The following SORCS2 variants were observed in gnomAD, a reference collection of about 807,000 sequenced individuals.
The protein encoded by SORCS2 is sortilin related VPS10 domain containing receptor 2, also known as VPS10 domain-containing receptor SorCS2.
In SORCS2, 100 loss-of-function variants were observed where a neutral mutation model predicts 141.6. That is an observed-to-expected ratio of 0.71 (90% CI 0.60 to 0.83). The LOEUF is 0.83. Ranked by LOEUF, SORCS2 falls within the 40% of genes least tolerant of loss-of-function variation. SORCS2 has a pLI of 0.00. For missense variants in SORCS2, 1,646 were observed against 1,560.2 expected (o/e 1.05, Z -0.93); for synonymous variants, 789 against 676.9 (o/e 1.17, Z -2.57).
At chr4:7,733,586 G>A (rs1203091851) in intron 24 of SORCS2, among the ~76,000 whole-genome samples, 165 bp downstream of exon 24, 5 of 152,090 alleles carry the variant, frequency 3.3e-5, no homozygotes, top group Non-Finnish European at 5.9e-5. Context: ...GCAGGACCGC[G>A]CTCTCCCTCT....
chr4:7,417,247 A>G (rs1357305551), intron 2 of SORCS2, among the ~76,000 whole-genome samples: 1 of 152,132 alleles, frequency 6.6e-6, no homozygotes, highest in Non-Finnish European at 1.5e-5. Flanking sequence ...TCCAGGGATG[A>G]TGCTCTTTTT....
rs1020665118 is a variant in SORCS2, at chr4:7,664,346, C to G, written c.953-7C>G. ...TGACCGCCTGGGTCGGCGCCTCTCT[C>G]CTGTAGATTTTCGGTACGTCACCTG... On this transcript the variant is annotated splice_region_variant and splice_polypyrimidine_tract_variant and intron_variant, in intron 6 of 26. Coordinates refer to ENST00000507866, the MANE Select transcript of SORCS2 (RefSeq NM_020777.3). This position sits in a 1 kb window ranked among gnomAD's most constrained non-coding sequence, Gnocchi z 4.7. 6.2e-7 allele frequency: 1 copy of G among 1,612,364 alleles called. No homozygotes were observed. Among genetic ancestry groups the G allele is most frequent in the Non-Finnish European group, 8.5e-7 (1 of 1,178,866 alleles).
intron 2 of SORCS2, among the ~76,000 whole-genome samples, chr4:7,438,708 T>C (rs1385152002): frequency 6.6e-6 from 1 of 152,088 alleles, no homozygotes; most frequent in Admixed American, 6.6e-5. Flanking sequence ...AGAATTATTT[T>C]TTACTTATGT....
At chr4:7,585,887 A>C (rs1716504814) in intron 3 of SORCS2, among the ~76,000 whole-genome samples, 1 of 152,232 alleles carries the variant, frequency 6.6e-6, no homozygotes, top group African/African-American at 2.4e-5. Context: ...CCTTGCAGAC[A>C]TCTGAAGGGG....
intron 1 of SORCS2, among the ~76,000 whole-genome samples, chr4:7,367,663 G>A (rs976390559): frequency 3.9e-5 from 6 of 152,236 alleles, no homozygotes; most frequent in East Asian, 3.8e-4. Flanking sequence ...CAGGCCTGAC[G>A]CTTGCATACT....
intron 2 of SORCS2, among the ~76,000 whole-genome samples, chr4:7,455,728 A>ATCTTGGGGTCAGGCTCCG (rs942599429): frequency 2.7e-5 from 3 of 111,550 alleles, no homozygotes; most frequent in Non-Finnish European, 3.7e-5. Context: ...GTCAGGCACC[A>ATCTTGGGGTCAGGCTCCG]TCTTGGGGTC....
At chr4:7,423,649 T>C (rs565631229) in intron 2 of SORCS2, among the ~76,000 whole-genome samples, 1 of 152,268 alleles carries the variant, frequency 6.6e-6, no homozygotes, top group South Asian at 2.1e-4. Flanking sequence ...ACAGGTCAGT[T>C]TCGTGCCCAG....
At chr4:7,582,495 G>T (rs1042835223) in intron 3 of SORCS2, among the ~76,000 whole-genome samples, 5 of 152,242 alleles carry the variant, frequency 3.3e-5, no homozygotes, top group Admixed American at 2.6e-4. Context: ...CCGCCCCCTC[G>T]CCCATCATGC....
intron 3 of SORCS2, among the ~76,000 whole-genome samples, chr4:7,603,448 A>G (rs1267120964): frequency 6.6e-6 from 1 of 152,188 alleles, no homozygotes. Flanking sequence ...CAGCTGTACC[A>G]TATCACTCAA....
chr4:7,448,768 T>C (rs1317113836), intron 2 of SORCS2, among the ~76,000 whole-genome samples: 2 of 68,692 alleles, frequency 2.9e-5, no homozygotes, highest in African/African-American at 6.0e-5. Flanking sequence ...TCTTTTCCTT[T>C]CTCTCCCCTC....
chr4:7,254,938 T>C (rs1231257275), intron 1 of SORCS2, among the ~76,000 whole-genome samples: 2 of 152,064 alleles, frequency 1.3e-5, no homozygotes, highest in Non-Finnish European at 2.9e-5. Flanking sequence ...GGGCATCCGA[T>C]GCTACATCTG....
chr4:7,680,303 C>T (rs912966586), intron 9 of SORCS2, among the ~76,000 whole-genome samples: 3 of 152,212 alleles, frequency 2.0e-5, no homozygotes, highest in East Asian at 1.9e-4. Context: ...ATGCACGTGC[C>T]CCACCCTCTC....
intron 1 of SORCS2, among the ~76,000 whole-genome samples, chr4:7,375,080 A>T (rs1722553106): frequency 6.6e-6 from 1 of 152,108 alleles, no homozygotes; most frequent in Non-Finnish European, 1.5e-5. Context: ...AGTCATGGTG[A>T]TTCGATGAGA....
chr4:7,380,020 C>T (rs890371283), intron 1 of SORCS2, among the ~76,000 whole-genome samples: 25 of 152,210 alleles, frequency 1.6e-4, no homozygotes, highest in African/African-American at 5.3e-4. Context: ...TGGCTGAGGA[C>T]AGGCTTGGAA....
chr4:7,716,090 T>TAGG (rs1315203556), intron 17 of SORCS2, among the ~76,000 whole-genome samples: 3 of 152,064 alleles, frequency 2.0e-5, no homozygotes, highest in African/African-American at 7.3e-5. Context: ...ATGTAAAATG[T>TAGG]TAGGTACATA....
chr4:7,248,690 C>A (rs1029271586), intron 1 of SORCS2, among the ~76,000 whole-genome samples: 1 of 152,222 alleles, frequency 6.6e-6, no homozygotes, highest in African/African-American at 2.4e-5. Flanking sequence ...ATTCCTCTTT[C>A]CGGGTGTACA....
intron 2 of SORCS2, among the ~76,000 whole-genome samples, chr4:7,488,228 T>C (rs138397681): frequency 1.3e-5 from 2 of 152,338 alleles, no homozygotes; most frequent in Non-Finnish European, 2.9e-5. Flanking sequence ...GTCCTTCAGT[T>C]CTGCTGTCCT....
chr4:7,527,418 C>T (rs865948941), intron 2 of SORCS2, among the ~76,000 whole-genome samples: 3 of 152,168 alleles, frequency 2.0e-5, no homozygotes, highest in Non-Finnish European at 2.9e-5. Context: ...GGCGCTGTGA[C>T]GGGAGGCTGT....
chr4:7,555,398 A>T (rs1244524648), intron 3 of SORCS2, among the ~76,000 whole-genome samples: 1 of 152,226 alleles, frequency 6.6e-6, no homozygotes, highest in African/African-American at 2.4e-5. Context: ...GTGTGAGCCC[A>T]TGTAGCCTGT....
Sources: allele counts gnomAD v4.1 joint callset (sites outside exome capture counted in the v4.1 genomes callset), GRCh38; gene constraint gnomAD v4.1.1; non-coding constraint Gnocchi (gnomAD v3.1); transcripts MANE v1.5; gene names NCBI Gene and HGNC (gene_info 2026-07-23, HGNC 2026-07-21).